The following ZNF385D variants were observed in gnomAD, a reference collection of about 807,000 sequenced individuals.
ZNF385D encodes the protein zinc finger protein 385D, also known as zinc finger protein 659.
ZNF385D carries 15 observed loss-of-function variants against 35.8 expected under a neutral mutation model. That is an observed-to-expected ratio of 0.42 (90% CI 0.28 to 0.64). The LOEUF (loss-of-function observed/expected upper bound fraction) is 0.64, where lower values mean the gene tolerates loss of function less well. Among genes scored for constraint, ZNF385D ranks in the 30% least tolerant of loss-of-function variants. ZNF385D has a pLI of 0.23. For synonymous variants in ZNF385D, 212 were observed against 186.8 expected, an observed-to-expected ratio of 1.13 and a Z score of -1.10; for missense variants, 474 against 494.6, an observed-to-expected ratio of 0.96 and a Z score of 0.39.
chr3:22,202,809 G>A (rs1019309677), intron 2 of ZNF385D, among the ~76,000 whole-genome samples: 2 of 152,240 alleles, frequency 1.3e-5, no homozygotes, highest in East Asian at 1.9e-4. Flanking sequence ...GCACTGAGCA[G>A]AGCTCATCTG....
chr3:21,687,543 T>G (rs1363814025), intron 1 of ZNF385D, among the ~76,000 whole-genome samples: 1 of 152,176 alleles, frequency 6.6e-6, no homozygotes, highest in African/African-American at 2.4e-5. Flanking sequence ...AGTGTTCATT[T>G]GTTACCACTG....
rs368843857 is a variant in ZNF385D, at chr3:22,218,459, GTA to G, written c.107-49426_107-49425del. ...CCCTTGAATTTATATATAAATATAT[GTA>G]TATATATGTGTGTATATGTGTATCT... On this transcript the variant is annotated intron_variant, in intron 2 of 5. Transcript: ENST00000494108. 6.9e-3 allele frequency among the ~76,000 whole-genome samples: 1,047 copies of G among 151,864 alleles called. 8 individuals are homozygous for G. The highest frequency in any genetic ancestry group is 0.024 in the African/African-American group (976 of 41,428).
intron 2 of ZNF385D, among the ~76,000 whole-genome samples, chr3:21,652,589 G>A (rs1193202722): frequency 6.6e-6 from 1 of 151,600 alleles, no homozygotes; most frequent in Admixed American, 6.6e-5. Flanking sequence ...TCGTCATTTA[G>A]CATTAGGTAT....
intron 4 of ZNF385D, among the ~76,000 whole-genome samples, chr3:21,496,011 C>T (rs1214290273): frequency 6.6e-6 from 1 of 151,792 alleles, no homozygotes; most frequent in Non-Finnish European, 1.5e-5. Context: ...GAAATTGAAT[C>T]CCTGAAAAAA....
chr3:21,733,812 T>C (rs922418822), intron 1 of ZNF385D, among the ~76,000 whole-genome samples: 4 of 152,184 alleles, frequency 2.6e-5, no homozygotes, highest in Non-Finnish European at 5.9e-5. Flanking sequence ...TAAATGTGTA[T>C]CCAGTTGTCC....
intron 3 of ZNF385D, among the ~76,000 whole-genome samples, chr3:21,523,976 T>C (rs1239354227): frequency 6.6e-6 from 1 of 152,156 alleles, no homozygotes; most frequent in East Asian, 1.9e-4. Flanking sequence ...GAGTAATCAT[T>C]TGGCTAATAT....
At chr3:21,896,737 A>G (rs181959086) in intron 3 of ZNF385D, among the ~76,000 whole-genome samples, 206 of 152,216 alleles carry the variant, frequency 1.4e-3, no homozygotes, top group African/African-American at 3.4e-3. Context: ...GGGGGTGGGA[A>G]GGGCTCATGA....
At chr3:21,833,574 T>C (rs1396584668) in intron 3 of ZNF385D, among the ~76,000 whole-genome samples, 2 of 152,196 alleles carry the variant, frequency 1.3e-5, no homozygotes, top group African/African-American at 4.8e-5. Flanking sequence ...CTGCCACCGC[T>C]TGATTTTGGA....
chr3:21,555,407 C>T (rs1019758398), intron 3 of ZNF385D, among the ~76,000 whole-genome samples: 3 of 152,062 alleles, frequency 2.0e-5, no homozygotes, highest in Non-Finnish European at 4.4e-5. Flanking sequence ...GTGATGTTCC[C>T]TTCCCTGTGT....
chr3:22,314,675 A>G (rs1703785173), intron 2 of ZNF385D, among the ~76,000 whole-genome samples: 1 of 152,144 alleles, frequency 6.6e-6, no homozygotes, highest in Admixed American at 6.6e-5. Context: ...TTACCCTTCA[A>G]GAACAAATTT....
intron 3 of ZNF385D, among the ~76,000 whole-genome samples, chr3:22,045,598 T>G (rs1435302157): frequency 6.6e-6 from 1 of 152,328 alleles, no homozygotes; most frequent in African/African-American, 2.4e-5. Context: ...AGCACCCGCA[T>G]AGTGTAGACA....
chr3:22,229,644 C>G (rs887300440), intron 2 of ZNF385D, among the ~76,000 whole-genome samples: 1 of 152,158 alleles, frequency 6.6e-6, no homozygotes, highest in Non-Finnish European at 1.5e-5. Flanking sequence ...TCGTACAACT[C>G]CCTTGCTCAA....
intron 3 of ZNF385D, among the ~76,000 whole-genome samples, chr3:22,045,772 G>T (rs777495279): frequency 6.6e-6 from 1 of 151,706 alleles, no homozygotes; most frequent in Middle Eastern, 3.2e-3. Context: ...CAAACCAATG[G>T]AGCCTGGCGA....
chr3:22,158,532 T>C (rs544311143), intron 3 of ZNF385D, among the ~76,000 whole-genome samples: 1 of 152,232 alleles, frequency 6.6e-6, no homozygotes, highest in African/African-American at 2.4e-5. Context: ...ACTATCGCAA[T>C]TTTGGAAGCA....
rs1294154885 is a variant in ZNF385D, at chr3:22,336,921, A to AAAAAAAAAAAAC, written c.106+35528_106+35529insGTTTTTTTTTTT. ...AACAGTGATTTTTCAAAAAAAAAAA[A>AAAAAAAAAAAAC]AAAAAAAAAAAAAAAACCCTTACTG... On this transcript the variant is annotated intron_variant, in intron 2 of 5. Coordinates refer to the ZNF385D transcript ENST00000494108. 2.8e-5 allele frequency among the ~76,000 whole-genome samples: 4 copies of AAAAAAAAAAAAC among 144,886 alleles called. 1 individual carries two copies. The highest frequency in any genetic ancestry group is 1.0e-4 in the African/African-American group (4 of 39,732).
intron 2 of ZNF385D, among the ~76,000 whole-genome samples, chr3:22,177,561 A>C (rs1694920119): frequency 6.6e-6 from 1 of 152,114 alleles, no homozygotes; most frequent in African/African-American, 2.4e-5. Context: ...GAGAGAGATA[A>C]TGTAGGCTAG....
chr3:21,783,411 G>A (rs1049064377), intron 3 of ZNF385D, among the ~76,000 whole-genome samples: 2 of 152,230 alleles, frequency 1.3e-5, no homozygotes, highest in East Asian at 3.9e-4. Context: ...TGGAGTAGGA[G>A]AAGGGAAACA....
chr3:22,150,045 G>A lies in ZNF385D; in HGVS notation c.325+18772C>T, dbSNP rs868736264. Among the ~76,000 whole-genome samples the A allele has an allele frequency of 3.3e-5, 5 of 152,034 alleles. No individual in the cohort carries two copies. The East Asian group carries it at 5.8e-4, about 18-fold the overall frequency. On this transcript the variant is annotated intron_variant, in intron 3 of 5. Transcript: ENST00000494108. ...ATAATGAATTAAAATTCACATATTC[G>A]TAAGAAAAAGAGATTGCTGAAGTAC... is the stretch of plus-strand genomic sequence containing the variant.
At chr3:22,203,815 G>T (rs750405301) in intron 2 of ZNF385D, among the ~76,000 whole-genome samples, 1 of 152,128 alleles carries the variant, frequency 6.6e-6, no homozygotes. Flanking sequence ...TAGCTCAGTC[G>T]CAGTAGAATA....
Sources: gnomAD v4.1 joint callset for allele counts (sites outside exome capture counted in the v4.1 genomes callset) on GRCh38, gnomAD v4.1.1 for gene constraint, MANE v1.5 for transcripts, NCBI Gene and HGNC (gene_info 2026-07-23, HGNC 2026-07-21) for gene names.